SPTBN2: variants seen among roughly 807,000 people sequenced by gnomAD.
SPTBN2 encodes spectrin beta chain, non-erythrocytic 2.
In SPTBN2, 107 loss-of-function variants were observed where a neutral mutation model predicts 284.2. The observed-to-expected ratio is 0.38, with a 90% CI of 0.32 to 0.44. The LOEUF (loss-of-function observed/expected upper bound fraction) is 0.44, where lower values mean the gene tolerates loss of function less well. Ranked by LOEUF, SPTBN2 falls within the 20% of genes least tolerant of loss-of-function variation. The probability of loss-of-function intolerance (pLI) is 1.00; values close to 1 mark genes in which losing one functional copy is unlikely to be tolerated. For missense variants in SPTBN2, 2,569 were observed against 3,287.1 expected (o/e 0.78, Z 5.34); for synonymous variants, 1,289 against 1,354.8 (o/e 0.95, Z 1.07).
chr11:66,727,775 G>A (rs943471593), intron 1 of SPTBN2, among the ~76,000 whole-genome samples: 4 of 151,642 alleles, frequency 2.6e-5, no homozygotes, highest in African/African-American at 9.7e-5. Context: ...GCCGGGCAGA[G>A]GCGGCCGAGC....
rs773112050 is a variant in SPTBN2, at chr11:66,686,235, C to T, written c.6940-131G>A. 49 of 1,381,886 alleles carry T rather than the reference C, an allele frequency of 3.5e-5. No individual in the cohort carries two copies. The Admixed American group carries it at 4.5e-4, about 13-fold the overall frequency. 85.6% of individuals were successfully genotyped at this position (1,381,886 alleles called of 1,614,324 possible). On this transcript the variant is annotated intron_variant, in intron 37 of 37. Coordinates refer to ENST00000533211, the MANE Select transcript of SPTBN2 (RefSeq NM_006946.4). ...TTTCATGCTATTAGGAGAATGTGGCCGGCTTAGACAGGGAGTGCGGCCTGG... is the reference window on the plus strand; with the variant it reads ...TTTCATGCTATTAGGAGAATGTGGCTGGCTTAGACAGGGAGTGCGGCCTGG...
At position 66,708,179 on chromosome 11, in the gene SPTBN2, C is replaced by T; in HGVS notation, c.1312G>A (p.Glu438Lys). 6.2e-7 allele frequency: 1 copy of T among 1,613,066 alleles called. No individual in the cohort carries two copies. The highest frequency in any genetic ancestry group is 8.5e-7 in the Non-Finnish European group (1 of 1,179,848). Residue 438 changes from glutamate (E) to lysine (K), a missense_variant, in exon 12 of 38, where the codon GAG becomes AAG. Physicochemically the swap from Glu to Lys is moderately conservative, Grantham distance 56. Coordinates refer to ENST00000533211, the MANE Select transcript of SPTBN2 (RefSeq NM_006946.4). This position sits in a 1 kb window ranked among gnomAD's most constrained non-coding sequence, Gnocchi z 4.4. ...ARFDRKAAMR[E>K]TWLSENQRLV... Reference sequence around the variant, plus strand: ...CGCTGGTTCTCGCTGAGCCAGGTCTCCCGCATGGCAGCCTTGCGGTCGAAG... The same window carrying T: ...CGCTGGTTCTCGCTGAGCCAGGTCTTCCGCATGGCAGCCTTGCGGTCGAAG...
chr11:66,699,715 A>G, intron 17 of SPTBN2, 107 bp from the exon 18 acceptor site: 1 of 1,139,002 alleles, frequency 8.8e-7, no homozygotes, highest in Non-Finnish European at 1.3e-6. Flanking sequence ...ACAAGCAGAC[A>G]GGGAGGGTAG....
At chr11:66,698,470 T>C (rs1026687908) in intron 20 of SPTBN2, among the ~76,000 whole-genome samples, 169 bp downstream of exon 20, 1 of 152,242 alleles carries the variant, frequency 6.6e-6, no homozygotes, top group African/African-American at 2.4e-5. Flanking sequence ...TCCCACTCTT[T>C]GTCTCCAACA....
chr11:66,698,490 G>T, intron 20 of SPTBN2, 149 bp downstream of exon 20: 2 of 1,171,332 alleles, frequency 1.7e-6, no homozygotes, highest in African/African-American at 1.5e-5. Flanking sequence ...AAAGACGTTT[G>T]TTTCCCAGAG....
At position 66,688,276 on chromosome 11, in the gene SPTBN2, CCTCTTT is replaced by C. The variant is rs758585415; in HGVS notation, c.6261_6266del (p.Lys2088_Arg2089del). 21 of 1,611,530 alleles carry C rather than the reference CCTCTTT, an allele frequency of 1.3e-5. No homozygotes were observed. The highest frequency in any genetic ancestry group is 4.0e-5 in the African/African-American group (3 of 74,998). ...GCTGTTTCCGCCGCTCCTCCTCCTC[CCTCTTT>C]CTCTTTCGCTCCTTCTCCCGCTCCT... On this transcript the variant is annotated inframe_deletion, in exon 32 of 38. Coordinates refer to ENST00000533211, the MANE Select transcript of SPTBN2 (RefSeq NM_006946.4).
Position 66,693,514 on chromosome 11 carries a change from C to T in SPTBN2, c.4594-68G>A. 5.2e-6 allele frequency: 8 copies of T among 1,547,434 alleles called. No individual in the cohort carries two copies. The highest frequency in any genetic ancestry group is 1.4e-5 in the African/African-American group (1 of 73,518). ...CAGCCCCACGTGCTCCCGGAGACCA[C>T]CCTTCACCCCTGTGCCTCTCTCCTT... On this transcript the variant is annotated intron_variant, in intron 23 of 37. Coordinates refer to ENST00000533211, the MANE Select transcript of SPTBN2 (RefSeq NM_006946.4). This position sits in a 1 kb window ranked among gnomAD's most constrained non-coding sequence, Gnocchi z 5.7.
intron 29 of SPTBN2, 199 bp from the exon 30 acceptor site, chr11:66,689,379 A>G (rs975145908): frequency 3.5e-5 from 21 of 595,108 alleles, no homozygotes; most frequent in Non-Finnish European, 4.7e-5. Flanking sequence ...GGTTCAAGCA[A>G]TTCTCCTGCC....
Position 66,691,424 on chromosome 11 carries a change from C to G in SPTBN2, c.5425G>C (p.Gly1809Arg). 6.2e-7 allele frequency: 1 copy of G among 1,612,332 alleles called. No individual in the cohort carries two copies. The highest frequency in any genetic ancestry group is 8.5e-7 in the Non-Finnish European group (1 of 1,179,684). The change falls in exon 27 of 38, where the codon GGG becomes CGG. Residue 1809 changes from glycine to arginine, a missense_variant. Around this residue, in one of 6 missense-constraint regions of SPTBN2, gnomAD observed 1,130 missense variants for 1,317.3 expected, o/e 0.86. Coordinates refer to ENST00000533211, the MANE Select transcript of SPTBN2 (RefSeq NM_006946.4). This position sits in a 1 kb window ranked among gnomAD's most constrained non-coding sequence, Gnocchi z 8.0. ...AAYELQRFLHGARQALARVQH... is the reference protein window; with the variant it reads ...AAYELQRFLHRARQALARVQH... ...ACCCGCGCCAGGGCTTGGCGTGCCCCGTGCAGGAAGCGCTGCAGCTCGTAC... is the reference window on the plus strand; with the variant it reads ...ACCCGCGCCAGGGCTTGGCGTGCCCGGTGCAGGAAGCGCTGCAGCTCGTAC...
intron 14 of SPTBN2, 63 bp downstream of exon 14, chr11:66,705,621 C>T: frequency 6.2e-7 from 1 of 1,605,260 alleles, no homozygotes; most frequent in South Asian, 1.1e-5. Flanking sequence ...AACCCTTCCA[C>T]CTCGGCTCTT....
intron 10 of SPTBN2, 102 bp from the exon 11 acceptor site, chr11:66,709,121 A>G (rs1431267639): frequency 2.1e-6 from 2 of 958,118 alleles, no homozygotes; most frequent in Admixed American, 1.8e-5. Context: ...TTCTTCTTAC[A>G]AAAGCAATAT....
At chr11:66,697,429 C>T (rs187070627) in intron 20 of SPTBN2, among the ~76,000 whole-genome samples, 47 of 152,246 alleles carry the variant, frequency 3.1e-4, no homozygotes, top group Admixed American at 2.7e-3. Flanking sequence ...TGGAAGCACA[C>T]GCATGTGGTG....
chr11:66,694,267 C>T lies in SPTBN2; in HGVS notation c.4375G>A (p.Val1459Met), dbSNP rs761313867. 2 of 1,614,218 alleles carry T rather than the reference C, an allele frequency of 1.2e-6. No homozygotes were observed. The highest frequency in any genetic ancestry group is 1.7e-6 in the Non-Finnish European group (2 of 1,180,036). ...TCCACGGCCCTCGAGGTTCTCTCCA[C>T]CTCCCCTGCACCCTGGTCCTCCTGG... ...LAQEDQGAGE[V>M]ERTSRAVEEK... Residue 1459 changes from valine (V) to methionine (M), a missense_variant, in exon 22 of 38, where the codon GTG (valine) becomes ATG (methionine). Physicochemically the swap from Val to Met is conservative, Grantham distance 21. This residue lies in a region of SPTBN2 where 1,130 missense variants were observed against 1,317.3 expected (regional missense o/e 0.86). Transcript: ENST00000533211.
At position 66,700,988 on chromosome 11, in the gene SPTBN2, G is replaced by A. The variant is rs149124496; in HGVS notation, c.3111C>T (p.Asn1037=). The A allele has an allele frequency of 3.0e-4, 476 of 1,607,404 alleles. 1 individual carries two copies. The African/African-American group carries it at 4.5e-3, about 15-fold the overall frequency. ...CGGTCTGCACCTCTCTCAGCCGGGC[G>A]TTGATGGCCACTGCCTGAGCGGGAT... The part of the protein sequence containing the change: ...AGHPAQAVAI[N]ARLREVQTGW... Residue 1037 remains asparagine, a synonymous_variant, in exon 17 of 38, where the codon AAC becomes AAT. Transcript: ENST00000533211. The surrounding 1 kb of genome is among the most constrained non-coding windows in gnomAD (Gnocchi z 6.6).
Position 66,686,976 on chromosome 11 carries a change from A to G in SPTBN2, c.6896+18T>C. 6.2e-7 allele frequency: 1 copy of G among 1,613,462 alleles called. No homozygotes were observed. The highest frequency in any genetic ancestry group is 8.5e-7 in the Non-Finnish European group (1 of 1,179,974). On this transcript the variant is annotated intron_variant, in intron 36 of 37. Transcript: ENST00000533211. ...CCAACTCTCCTCCCATCCCGAGAGCACTGTTCCCTGTTCCTACCCCAGCTT... is the reference window on the plus strand; with the variant it reads ...CCAACTCTCCTCCCATCCCGAGAGCGCTGTTCCCTGTTCCTACCCCAGCTT...
At chr11:66,690,709 C>T (rs1044120725) in intron 27 of SPTBN2, among the ~76,000 whole-genome samples, 3 of 152,316 alleles carry the variant, frequency 2.0e-5, no homozygotes, top group Admixed American at 2.0e-4. Flanking sequence ...TGATTTAGCG[C>T]AGCATGAAGA....
Position 66,715,541 on chromosome 11 carries a change from G to C in SPTBN2, c.310-146C>G. 8.6e-7 allele frequency: 1 copy of C among 1,168,428 alleles called. No individual in the cohort carries two copies. Among genetic ancestry groups the C allele is most frequent in the South Asian group, 1.6e-5 (1 of 63,586 alleles). 72.4% of individuals were successfully genotyped at this position (1,168,428 alleles called of 1,614,324 possible). A position where few individuals can be genotyped will look rare whatever the true frequency, so the allele number is the denominator to read the frequency against. ...CAGCCCCAGGGCTGGAGCCAAAGCT[G>C]AGCTTACAGATGAGGCTTGGGCAGA... On this transcript the variant is annotated intron_variant, in intron 4 of 37. Transcript: ENST00000533211. This position sits in a 1 kb window ranked among gnomAD's most constrained non-coding sequence, Gnocchi z 5.3.
rs868342111 is a variant in SPTBN2, at chr11:66,701,618, G to A, written c.2782C>T (p.Arg928Cys). 10 of 1,613,930 alleles carry A rather than the reference G, an allele frequency of 6.2e-6. No homozygotes were observed. The highest frequency in any genetic ancestry group is 1.7e-5 in the Admixed American group (1 of 59,978). The change falls in exon 16 of 38, where the codon CGC becomes TGC. Residue 928 changes from arginine to cysteine, a missense_variant. Arg to Cys is a radical substitution (Grantham distance 180). This residue lies in a region of SPTBN2 where 1,012 missense variants were observed against 1,248.9 expected (regional missense o/e 0.81). Coordinates refer to ENST00000533211, the MANE Select transcript of SPTBN2 (RefSeq NM_006946.4). ...LLKANPPGKDRIVNTQEQLNH... is the reference protein window; with the variant it reads ...LLKANPPGKDCIVNTQEQLNH... The stretch of plus-strand genomic sequence containing the variant: ...AGCTGCTCCTGGGTGTTGACAATGC[G>A]GTCTTTGCCTGGGGGGTTGGCCTTC...
chr11:66,718,514 A>G lies in SPTBN2; in HGVS notation c.158-2533T>C, dbSNP rs533908687. ...AGGGTTGATGAAAGCAGCTGGTGAA[A>G]GCAGGAGGCCCCCGGGGTTGTGGGC... is the stretch of plus-strand genomic sequence containing the variant. On this transcript the variant is annotated intron_variant, in intron 3 of 37. Transcript: ENST00000533211. The surrounding 1 kb of genome is among the most constrained non-coding windows in gnomAD (Gnocchi z 4.8). 6.6e-6 allele frequency among the ~76,000 whole-genome samples: 1 copy of G among 152,080 alleles called. No individual in the cohort carries two copies. The highest frequency in any genetic ancestry group is 1.5e-5 in the Non-Finnish European group (1 of 67,994).
Sources: gnomAD v4.1 joint callset for allele counts (sites outside exome capture counted in the v4.1 genomes callset) on GRCh38, gnomAD v4.1.1 for gene constraint, gnomAD v4.1.1 regional missense constraint, Gnocchi (gnomAD v3.1) non-coding constraint, MANE v1.5 for transcripts, NCBI Gene and HGNC (gene_info 2026-07-23, HGNC 2026-07-21) for gene names.